EYS: variants seen among roughly 807,000 people sequenced by gnomAD.
EYS encodes EGF-like photoreceptor maintenance factor.
EYS carries 250 observed loss-of-function variants against 282.1 expected under a neutral mutation model. The observed-to-expected ratio is 0.89, with a 90% CI of 0.80 to 0.98. The LOEUF (loss-of-function observed/expected upper bound fraction) is 0.98, where lower values mean the gene tolerates loss of function less well. Ranked by LOEUF, EYS falls within the 50% of genes least tolerant of loss-of-function variation. The pLI, the probability that EYS is intolerant of heterozygous loss-of-function variation, is 0.00. For synonymous variants in EYS, 1,355 were observed against 1,282.9 expected, an observed-to-expected ratio of 1.06 and a Z score of -1.20; for missense variants, 4,016 against 3,709.0, an observed-to-expected ratio of 1.08 and a Z score of -2.15.
chr6:64,307,008 T>A lies in EYS; in HGVS notation c.6153A>T (p.Pro2051=). 6.5e-7 allele frequency: 1 copy of A among 1,544,560 alleles called. No individual in the cohort carries two copies. Among genetic ancestry groups the A allele is most frequent in the Non-Finnish European group, 8.8e-7 (1 of 1,141,474 alleles). Residue 2051 remains proline, a synonymous_variant, in exon 30 of 43, where the codon CCA becomes CCT. Transcript: ENST00000503581. ...IEINNWRSFI[P]SKAVKNYHIN... ...TGTGATAGTTTTTCACTGCCTTGGA[T>A]GGAATGAAAGATCTCCAGTTATTTA...
At chr6:65,383,426 C>T (rs528004160) in intron 8 of EYS, among the ~76,000 whole-genome samples, 1 of 151,730 alleles carries the variant, frequency 6.6e-6, no homozygotes, top group Non-Finnish European at 1.5e-5. Context: ...ATAATGAATC[C>T]TGGAATTTTG....
intron 5 of EYS, among the ~76,000 whole-genome samples, chr6:65,487,157 AC>A (rs140783143): frequency 0.19 from 28,641 of 151,876 alleles, 3,276 homozygotes; most frequent in Middle Eastern, 0.3. Flanking sequence ...CTATTTGAAA[AC>A]CTTTATTTCC....
At chr6:64,790,123 T>TTTTGC (rs756733669) in intron 22 of EYS, among the ~76,000 whole-genome samples, 1 of 152,012 alleles carries the variant, frequency 6.6e-6, no homozygotes, top group African/African-American at 2.4e-5. Context: ...CAGGAATCTT[T>TTTTGC]TTTGCTTTGC....
At chr6:64,025,772 A>T (rs1002536087) in intron 33 of EYS, among the ~76,000 whole-genome samples, 2 of 152,148 alleles carry the variant, frequency 1.3e-5, no homozygotes, top group African/African-American at 2.4e-5. Flanking sequence ...TGAAGACAAA[A>T]GGTGTCACTC....
chr6:64,374,077 G>C (rs9353739), intron 29 of EYS, among the ~76,000 whole-genome samples: 108,738 of 151,532 alleles, frequency 0.72, 39,215 homozygotes, highest in African/African-American at 0.79. Context: ...CATTGCCTAC[G>C]TGGCTACTAG....
chr6:63,763,614 C>A (rs1769704897), intron 40 of EYS, among the ~76,000 whole-genome samples: 1 of 151,582 alleles, frequency 6.6e-6, no homozygotes, highest in South Asian at 2.1e-4. Context: ...GGGCTTCCTT[C>A]TTCAATGGGC....
rs147605405 is a variant in EYS at position 64,585,893 on chromosome 6, T to A, written c.5644+4330A>T. Among the ~76,000 whole-genome samples the A allele has an allele frequency of 3.9e-3, 593 of 152,252 alleles. 5 individuals carry two copies. The highest frequency in any genetic ancestry group is 6.4e-3 in the Admixed American group (98 of 15,262). ...TACTTTTCAAATATTGTATGTAACA[T>A]TAACAGCCTACATTTCTGAGTGCTC... On this transcript the variant is annotated intron_variant, in intron 26 of 42. Transcript: ENST00000503581.
intron 26 of EYS, among the ~76,000 whole-genome samples, chr6:64,575,396 G>A (rs188568474): frequency 6.6e-6 from 1 of 152,178 alleles, no homozygotes; most frequent in East Asian, 1.9e-4. Flanking sequence ...AGAAAGGAGG[G>A]GTTAGATATT....
At chr6:65,555,422 C>A (rs553566129) in intron 2 of EYS, among the ~76,000 whole-genome samples, 2 of 151,780 alleles carry the variant, frequency 1.3e-5, no homozygotes, top group Non-Finnish European at 2.9e-5. Flanking sequence ...CTATTTAGCC[C>A]TTTACTTTAT....
chr6:64,709,019 T>TACACACACACACAC (rs36018580), intron 22 of EYS, among the ~76,000 whole-genome samples: 8 of 150,984 alleles, frequency 5.3e-5, no homozygotes, highest in African/African-American at 1.9e-4. Context: ...CATGCACACA[T>TACACACACACACAC]ACACACACAC....
chr6:64,974,518 A>G (rs1770409703), intron 14 of EYS, among the ~76,000 whole-genome samples: 1 of 151,758 alleles, frequency 6.6e-6, no homozygotes, highest in South Asian at 2.1e-4. Context: ...GCATTTTAAT[A>G]TTTGTTCTTA....
chr6:63,755,288 A>G (rs1400151465), intron 41 of EYS, among the ~76,000 whole-genome samples: 1 of 151,182 alleles, frequency 6.6e-6, no homozygotes, highest in Non-Finnish European at 1.5e-5. Context: ...TGTTTAATCC[A>G]TCTTGAAATA....
At chr6:65,302,856 A>C (rs1726046051) in intron 11 of EYS, 1 of 1,613,060 alleles carries the variant, frequency 6.2e-7, no homozygotes, top group Non-Finnish European at 8.5e-7. Flanking sequence ...CCAGAAGAGG[A>C]AGTGAAGGCT....
chr6:64,070,355 T>A (rs1771529618), intron 32 of EYS, among the ~76,000 whole-genome samples: 1 of 152,170 alleles, frequency 6.6e-6, no homozygotes, highest in Non-Finnish European at 1.5e-5. Context: ...TATAATAAGA[T>A]ATCAAATTCA....
chr6:64,670,352 T>C (rs1308948015), intron 22 of EYS, among the ~76,000 whole-genome samples: 3 of 151,816 alleles, frequency 2.0e-5, no homozygotes, highest in African/African-American at 4.8e-5. Flanking sequence ...CTACATTGCC[T>C]GATTAACTTT....
intron 2 of EYS, among the ~76,000 whole-genome samples, chr6:65,605,633 CATA>C: frequency 1.3e-5 from 2 of 151,742 alleles, no homozygotes; most frequent in Non-Finnish European, 2.9e-5. Flanking sequence ...AAGTATATAA[CATA>C]CATATTTAGC....
At chr6:64,413,578 T>TC (rs5876898) in intron 28 of EYS, among the ~76,000 whole-genome samples, 41,237 of 144,388 alleles carry the variant, frequency 0.29, 5,867 homozygotes, top group East Asian at 0.48. Context: ...AAAAAAAACC[T>TC]CCCCTCCCAA....
chr6:64,932,633 C>G (rs1246019579), intron 15 of EYS, among the ~76,000 whole-genome samples: 1 of 151,916 alleles, frequency 6.6e-6, no homozygotes, highest in African/African-American at 2.4e-5. Flanking sequence ...AATCTCTGAT[C>G]TCTGACTAAC....
chr6:65,224,137 T>A (rs140976294), intron 12 of EYS, among the ~76,000 whole-genome samples: 267 of 152,244 alleles, frequency 1.8e-3, no homozygotes, highest in African/African-American at 6.2e-3. Flanking sequence ...AAATTCTTAT[T>A]AAGTTCACAT....
Sources: gnomAD v4.1 joint callset for allele counts (sites outside exome capture counted in the v4.1 genomes callset) on GRCh38, gnomAD v4.1.1 for gene constraint, MANE v1.5 for transcripts, NCBI Gene and HGNC (gene_info 2026-07-23, HGNC 2026-07-21) for gene names.